The following SLC18B1 variants were observed in gnomAD, a reference collection of about 807,000 sequenced individuals.
SLC18B1 encodes MFS-type transporter SLC18B1.
In SLC18B1, 62 loss-of-function variants were observed where a neutral mutation model predicts 53.9. The ratio of observed to expected loss-of-function variants is 1.15; its 90% CI spans 0.94 to 1.42. SLC18B1 has a LOEUF of 1.42. Ranked by LOEUF, SLC18B1 falls within the 40% of genes most tolerant of loss-of-function variation. The probability of loss-of-function intolerance (pLI) is 0.00; values close to 1 mark genes in which losing one functional copy is unlikely to be tolerated. For synonymous variants in SLC18B1, 217 were observed against 200.9 expected (o/e 1.08, Z -0.68); for missense variants, 598 against 547.3 (o/e 1.09, Z -0.93).
At chr6:132,774,085 CA>C (rs1781042284) in intron 9 of SLC18B1, 136 bp downstream of exon 9, 2 of 500,606 alleles carry the variant, frequency 4.0e-6, no homozygotes, top group African/African-American at 2.0e-5. Context: ...GTCAGCCTAA[CA>C]ATTCAATAGA....
rs56886747 is a variant in SLC18B1, at chr6:132,786,555, C to CAA, written c.501+877_501+878dup. Among the ~76,000 whole-genome samples the CAA allele has an allele frequency of 2.0e-3, 161 of 78,608 alleles. 3 individuals are homozygous for CAA. Among genetic ancestry groups the CAA allele is most frequent in the Non-Finnish European group, 1.8e-3 (68 of 38,144 alleles). The allele number at this position is 78,608 out of a possible 152,430, so 51.6% of individuals were successfully genotyped here. A position where few individuals can be genotyped will look rare whatever the true frequency, so the allele number is the denominator to read the frequency against. On this transcript the variant is annotated intron_variant, in intron 5 of 13. Coordinates refer to ENST00000275227, the MANE Select transcript of SLC18B1 (RefSeq NM_052831.3). ...CGGAGCGAGACTCCATCCCCCACTCCAAAAAAAAAAAAAAAAAAAAGGTTG... is the reference window on the plus strand; with the variant it reads ...CGGAGCGAGACTCCATCCCCCACTCCAAAAAAAAAAAAAAAAAAAAAAGGTTG...
In SLC18B1 at chr6:132,779,362, A is replaced by T. The variant is rs1781173237; in HGVS notation, c.701T>A (p.Leu234Ter). 1 of 1,613,778 alleles carries T rather than the reference A, an allele frequency of 6.2e-7. No individual in the cohort carries two copies. The highest frequency in any genetic ancestry group is 1.3e-5 in the African/African-American group (1 of 74,924). ...GEHSFWKLIA[L>*]PKVGLIAFVI... Reference sequence around the variant, plus strand: ...GAAGGCTATAAGGCCAACTTTGGGTAAAGCGATCAGTTTCCAGAATGAGTG... The same window carrying T: ...GAAGGCTATAAGGCCAACTTTGGGTTAAGCGATCAGTTTCCAGAATGAGTG... The change falls in exon 7 of 14, where the codon TTA becomes TAA. Residue 234 changes from leucine to a stop codon, truncating the protein, a stop_gained. Transcript: ENST00000275227. LOFTEE classifies it high-confidence loss of function.
chr6:132,776,485 T>G, intron 7 of SLC18B1, 56 bp from the exon 8 acceptor site: 1 of 1,177,678 alleles, frequency 8.5e-7, no homozygotes, highest in Non-Finnish European at 1.2e-6. Context: ...TAAGTAAACA[T>G]CCCTCTTTTC....
At chr6:132,776,538 T>C (rs1271989516) in intron 7 of SLC18B1, 109 bp from the exon 8 acceptor site, 2 of 740,490 alleles carry the variant, frequency 2.7e-6, no homozygotes, top group African/African-American at 1.8e-5. Flanking sequence ...AGTCTACTAA[T>C]AATATTCTGC....
chr6:132,776,941 C>T (rs975538800), intron 7 of SLC18B1, among the ~76,000 whole-genome samples: 3 of 152,042 alleles, frequency 2.0e-5, no homozygotes, highest in African/African-American at 7.2e-5. Context: ...GATGTAAAAC[C>T]GGGTGTGGTG....
intron 1 of SLC18B1, among the ~76,000 whole-genome samples, chr6:132,797,602 A>G (rs1781729523): frequency 6.6e-6 from 1 of 152,078 alleles, no homozygotes; most frequent in Admixed American, 6.6e-5. Flanking sequence ...CGTCTCAAAA[A>G]AGCAAAACAA....
chr6:132,794,469 C>T (rs963344852), intron 2 of SLC18B1, among the ~76,000 whole-genome samples: 23 of 152,008 alleles, frequency 1.5e-4, no homozygotes, highest in African/African-American at 5.3e-4. Flanking sequence ...CTTGCTCAAA[C>T]ACCTCTGATG....
chr6:132,787,743 C>T (rs1781415502), intron 4 of SLC18B1, among the ~76,000 whole-genome samples, 162 bp from the exon 5 acceptor site: 1 of 151,404 alleles, frequency 6.6e-6, no homozygotes, highest in African/African-American at 2.4e-5. Flanking sequence ...GTTGTCTTTT[C>T]AGGAGGAGGA....
chr6:132,795,692 C>T (rs1470374918), intron 2 of SLC18B1, among the ~76,000 whole-genome samples: 1 of 152,222 alleles, frequency 6.6e-6, no homozygotes, highest in Non-Finnish European at 1.5e-5. Flanking sequence ...ATGTTGTCTA[C>T]ACTCCAAGCC....
At chr6:132,774,860 A>G (rs1214203068) in intron 8 of SLC18B1, among the ~76,000 whole-genome samples, 1 of 152,038 alleles carries the variant, frequency 6.6e-6, no homozygotes, top group Non-Finnish European at 1.5e-5. Context: ...GCAGTGAGCC[A>G]AGATCACACC....
chr6:132,781,419 TA>T (rs1439550298), intron 6 of SLC18B1, among the ~76,000 whole-genome samples: 8 of 152,064 alleles, frequency 5.3e-5, no homozygotes, highest in African/African-American at 1.9e-4. Flanking sequence ...ACTATGGCAC[TA>T]CTTACACAAA....
At chr6:132,776,094 T>A (rs1781092279) in intron 8 of SLC18B1, among the ~76,000 whole-genome samples, 1 of 152,156 alleles carries the variant, frequency 6.6e-6, no homozygotes, top group Non-Finnish European at 1.5e-5. Flanking sequence ...TAATCCAATT[T>A]ATTTTTTTTT....
At position 132,770,226 on chromosome 6, in the gene SLC18B1, G is replaced by A. The variant is rs1325542137; in HGVS notation, c.*44C>T. 1.1e-5 allele frequency: 16 copies of A among 1,515,676 alleles called. No homozygotes were observed. The highest frequency in any genetic ancestry group is 2.8e-5 in the African/African-American group (2 of 72,676). 93.9% of individuals were successfully genotyped at this position (1,515,676 alleles called of 1,614,324 possible). On this transcript the variant is annotated 3_prime_UTR_variant, in exon 14 of 14. Coordinates refer to ENST00000275227, the MANE Select transcript of SLC18B1 (RefSeq NM_052831.3). The stretch of plus-strand genomic sequence containing the variant: ...TTCCTACGGTGATGTTTAAGGCCAG[G>A]AGCATTCATTTCTCAACCTTGTATC...
intron 6 of SLC18B1, among the ~76,000 whole-genome samples, chr6:132,780,592 GA>G (rs142025947): frequency 0.09 from 6,744 of 75,098 alleles, 353 homozygotes; most frequent in African/African-American, 0.23. Context: ...TTTTTTTTGA[GA>G]CAGTAGTTTT....
intron 9 of SLC18B1, 131 bp downstream of exon 9, chr6:132,774,091 A>T: frequency 1.9e-6 from 1 of 539,034 alleles, no homozygotes; most frequent in Non-Finnish European, 3.2e-6. Context: ...CTAACAATTC[A>T]ATAGAGTCCT....
intron 2 of SLC18B1, among the ~76,000 whole-genome samples, chr6:132,792,283 G>GA: frequency 2.0e-5 from 1 of 49,014 alleles, no homozygotes; most frequent in South Asian, 7.9e-4. Flanking sequence ...AAGAAAGAAA[G>GA]GAAGAAAGGA....
At position 132,789,977 on chromosome 6, in the gene SLC18B1, G is replaced by A. The variant is rs149903740; in HGVS notation, c.280-140C>T. The A allele has an allele frequency of 4.8e-4, 322 of 667,560 alleles. 1 individual carries two copies. Among genetic ancestry groups the A allele is most frequent in the African/African-American group, 4.8e-3 (261 of 54,924 alleles). The allele number at this position is 667,560 out of a possible 1,614,324, so 41.4% of individuals were successfully genotyped here. On this transcript the variant is annotated intron_variant, in intron 3 of 13. Transcript: ENST00000275227. ...TATATTATAATAATTCTTTAATATG[G>A]TGACAGTACTCATTGCTTAAAAACA...
intron 4 of SLC18B1, among the ~76,000 whole-genome samples, chr6:132,787,794 A>T (rs1781416414): frequency 6.6e-6 from 1 of 152,116 alleles, no homozygotes; most frequent in Non-Finnish European, 1.5e-5. Flanking sequence ...TTGAGTCATA[A>T]TGACAGCTTA....
At chr6:132,790,045 C>T in intron 3 of SLC18B1, 132 bp downstream of exon 3, 1 of 768,988 alleles carries the variant, frequency 1.3e-6, no homozygotes, top group Non-Finnish European at 2.1e-6. Flanking sequence ...AGAGAACTGT[C>T]AACACTGGCA....
Sources: gnomAD v4.1 joint callset for allele counts (sites outside exome capture counted in the v4.1 genomes callset) on GRCh38, gnomAD v4.1.1 for gene constraint, MANE v1.5 for transcripts, NCBI Gene and HGNC (gene_info 2026-07-23, HGNC 2026-07-21) for gene names.